FRAS1: variants seen among roughly 807,000 people sequenced by gnomAD.
The protein encoded by FRAS1 is Fraser extracellular matrix complex subunit 1.
In FRAS1, 290 loss-of-function variants were observed where a neutral mutation model predicts 435.2. The observed-to-expected ratio is 0.67, with a 90% confidence interval of 0.61 to 0.73. FRAS1 has a LOEUF of 0.73. Ranked by LOEUF, FRAS1 falls within the 30% of genes least tolerant of loss-of-function variation. The pLI is 0.00. For synonymous variants in FRAS1, 1,800 were observed against 1,851.0 expected, an observed-to-expected ratio of 0.97 and a Z score of 0.71; for missense variants, 4,860 against 5,001.5, an observed-to-expected ratio of 0.97 and a Z score of 0.85.
At chr4:78,232,349 G>C (rs973817788) in intron 2 of FRAS1, among the ~76,000 whole-genome samples, 2 of 151,098 alleles carry the variant, frequency 1.3e-5, no homozygotes, top group African/African-American at 4.9e-5. Context: ...GCAGTGGTGC[G>C]ATCTCGGCTC....
In FRAS1 at chr4:78,489,097, T is replaced by G. The variant is rs567211825; in HGVS notation, c.8958+17T>G. On this transcript the variant is annotated intron_variant, in intron 59 of 73. Transcript: ENST00000512123. Reference sequence around the variant, plus strand: ...GGGGACAAAGTAAGTGGATTGGTGGTGGCTGAAAGATGAGATTCTCTTATT... The same window carrying G: ...GGGGACAAAGTAAGTGGATTGGTGGGGGCTGAAAGATGAGATTCTCTTATT... The G allele has an allele frequency of 9.4e-6, 15 of 1,599,490 alleles. No homozygotes were observed. The Admixed American group carries it at 1.3e-4, about 14-fold the overall frequency.
chr4:78,158,712 C>T (rs547490896), intron 2 of FRAS1, among the ~76,000 whole-genome samples: 4 of 152,276 alleles, frequency 2.6e-5, no homozygotes, highest in African/African-American at 9.6e-5. Flanking sequence ...AAGCAAATGG[C>T]ACTTGGGTTC....
At chr4:78,438,472 A>G in intron 38 of FRAS1, 98 bp from the exon 39 acceptor site, 1 of 1,168,280 alleles carries the variant, frequency 8.6e-7, no homozygotes, top group Non-Finnish European at 1.2e-6. Flanking sequence ...AGACTTTTCC[A>G]ATTAGCAGAG....
intron 14 of FRAS1, among the ~76,000 whole-genome samples, chr4:78,300,088 G>C (rs967105039): frequency 1.3e-5 from 2 of 152,204 alleles, no homozygotes; most frequent in Non-Finnish European, 2.9e-5. Flanking sequence ...GGCATGAACA[G>C]TCGTTGACTC....
intron 2 of FRAS1, among the ~76,000 whole-genome samples, chr4:78,087,295 A>G (rs1452468909): frequency 6.6e-6 from 1 of 152,030 alleles, no homozygotes; most frequent in Non-Finnish European, 1.5e-5. Context: ...AGAGCTATCT[A>G]TGACAAACCC....
chr4:78,487,139 C>T (rs1048125948), intron 58 of FRAS1, among the ~76,000 whole-genome samples: 1 of 152,150 alleles, frequency 6.6e-6, no homozygotes, highest in African/African-American at 2.4e-5. Context: ...CATTGCCATC[C>T]ACCTTTTAGC....
chr4:78,103,737 A>G (rs570766665), intron 2 of FRAS1, among the ~76,000 whole-genome samples: 14 of 152,182 alleles, frequency 9.2e-5, no homozygotes, highest in Non-Finnish European at 1.5e-4. Context: ...GTCATTGTCT[A>G]TGAGAAAGTG....
At chr4:78,440,312 G>A (rs1010201758) in intron 40 of FRAS1, among the ~76,000 whole-genome samples, 4 of 152,140 alleles carry the variant, frequency 2.6e-5, no homozygotes, top group East Asian at 1.9e-4. Flanking sequence ...GATTACAGGC[G>A]TGAGCCACCG....
intron 20 of FRAS1, among the ~76,000 whole-genome samples, chr4:78,344,460 CAGAGAATGTGATTCCAGAGTCT>C (rs1730521175): frequency 7.6e-6 from 1 of 131,160 alleles, no homozygotes; most frequent in Non-Finnish European, 1.5e-5. Context: ...GATTTGAACC[CAGAGAATGTGATTCCAGAGTCT>C]GGAATGTGAT....
chr4:78,086,422 G>A (rs368821701), intron 2 of FRAS1, among the ~76,000 whole-genome samples: 3 of 151,992 alleles, frequency 2.0e-5, no homozygotes, highest in African/African-American at 7.3e-5. Flanking sequence ...AAATAACTAA[G>A]ATCAGAGCAG....
At chr4:78,269,278 T>C (rs1726529240) in intron 9 of FRAS1, among the ~76,000 whole-genome samples, 1 of 151,988 alleles carries the variant, frequency 6.6e-6, no homozygotes, top group African/African-American at 2.4e-5. Context: ...TATAACACAG[T>C]GTGGCACCAA....
chr4:78,109,526 A>G (rs1282299252), intron 2 of FRAS1, among the ~76,000 whole-genome samples: 5 of 148,124 alleles, frequency 3.4e-5, no homozygotes, highest in Non-Finnish European at 6.0e-5. Context: ...AGATGCAGAA[A>G]AAGCCTTTGA....
At chr4:78,531,784 G>A (rs1187924540) in intron 70 of FRAS1, among the ~76,000 whole-genome samples, 1 of 152,134 alleles carries the variant, frequency 6.6e-6, no homozygotes, top group Non-Finnish European at 1.5e-5. Context: ...GGCCCACAAA[G>A]TTTAAAATAT....
Position 78,387,383 on chromosome 4 carries a change from T to C in FRAS1, c.3657T>C (p.Tyr1219=), listed in dbSNP as rs778996431. Residue 1219 remains tyrosine (Y), a synonymous_variant, in exon 29 of 74, where the codon TAT becomes TAC. Transcript: ENST00000512123. ...TCCCTTCAACTCCACAGGCCCCCTA[T>C]GTGCTGAGAAATGAAGTTCTCCACA... ...NIQAFSTQAP[Y]VLRNEVLHIS... is the part of the protein sequence containing the mutation. The C allele has an allele frequency of 2.1e-5, 33 of 1,606,424 alleles. No individual in the cohort carries two copies. In the South Asian group the frequency reaches 3.6e-4, roughly 17 times the overall value.
intron 6 of FRAS1, among the ~76,000 whole-genome samples, chr4:78,260,318 A>T (rs1470996308): frequency 2.0e-5 from 3 of 151,876 alleles, no homozygotes; most frequent in Admixed American, 1.3e-4. Flanking sequence ...CACCATATTG[A>T]TTCTTCCTAC....
In FRAS1 at chr4:78,114,919, G is replaced by A. The variant is rs1031486071; in HGVS notation, c.108+48903G>A. ...CCCTGTCTTGTGCCAGTTTTCAAAG[G>A]GAATGCTTCCAGTTTTTGCCCATTC... On this transcript the variant is annotated intron_variant, in intron 2 of 73. Transcript: ENST00000512123. Among the ~76,000 whole-genome samples the A allele has an allele frequency of 5.9e-5, 9 of 152,068 alleles. 1 individual carries two copies. Among genetic ancestry groups the A allele is most frequent in the Admixed American group, 3.9e-4 (6 of 15,240 alleles).
intron 18 of FRAS1, among the ~76,000 whole-genome samples, chr4:78,331,029 T>C (rs906276473): frequency 1.3e-5 from 2 of 152,170 alleles, no homozygotes; most frequent in Admixed American, 1.3e-4. Context: ...AAAATTTCTC[T>C]CTTTTGTACT....
chr4:78,207,480 A>G (rs994350786), intron 2 of FRAS1, among the ~76,000 whole-genome samples: 20 of 152,220 alleles, frequency 1.3e-4, no homozygotes, highest in African/African-American at 4.8e-4. Context: ...ACCTCTACAT[A>G]TTTCAAAAAT....
intron 2 of FRAS1, among the ~76,000 whole-genome samples, chr4:78,100,021 G>C (rs1578122838): frequency 6.6e-6 from 1 of 152,180 alleles, no homozygotes; most frequent in Non-Finnish European, 1.5e-5. Context: ...GACATATTTA[G>C]AAGTTGACTT....
Sources: gnomAD v4.1 joint callset for allele counts (sites outside exome capture counted in the v4.1 genomes callset) on GRCh38, gnomAD v4.1.1 for gene constraint, MANE v1.5 for transcripts, NCBI Gene and HGNC (gene_info 2026-07-23, HGNC 2026-07-21) for gene names.